The following CNTN4 variants were observed in gnomAD, a reference collection of about 807,000 sequenced individuals.
CNTN4 encodes contactin 4.
A neutral mutation model predicts 122.5 loss-of-function variants in CNTN4; 77 were observed. The observed-to-expected ratio is 0.63, with a 90% CI of 0.52 to 0.76. The LOEUF is 0.76. Ranked by LOEUF, CNTN4 falls within the 30% of genes least tolerant of loss-of-function variation. CNTN4 has a pLI of 0.00. For missense variants in CNTN4, 1,256 were observed against 1,259.1 expected (o/e 1.00, Z 0.04); for synonymous variants, 512 against 447.0 (o/e 1.15, Z -1.83).
intron 2 of CNTN4, among the ~76,000 whole-genome samples, chr3:2,139,231 A>T (rs966979595): frequency 6.6e-6 from 1 of 152,224 alleles, no homozygotes; most frequent in Non-Finnish European, 1.5e-5. Flanking sequence ...CTCAACATTA[A>T]GTAGTTTTAT....
chr3:2,632,758 C>T (rs996060133), intron 4 of CNTN4, among the ~76,000 whole-genome samples: 3 of 152,104 alleles, frequency 2.0e-5, no homozygotes, highest in African/African-American at 7.2e-5. Flanking sequence ...ATTCTCATGA[C>T]ACTGCACAAG....
chr3:2,967,467 C>A (rs1330476987), intron 13 of CNTN4, among the ~76,000 whole-genome samples: 1 of 152,062 alleles, frequency 6.6e-6, no homozygotes, highest in African/African-American at 2.4e-5. Context: ...TAGCTGGGGT[C>A]TAATCCCCAG....
intron 2 of CNTN4, among the ~76,000 whole-genome samples, chr3:2,129,264 C>CAA (rs11390812): frequency 0.019 from 1,226 of 63,678 alleles, 51 homozygotes; most frequent in African/African-American, 0.06. Context: ...TCCAAACCTG[C>CAA]AAAAAAAAAA....
chr3:2,427,178 A>G (rs1423352364), intron 3 of CNTN4, among the ~76,000 whole-genome samples: 1 of 152,088 alleles, frequency 6.6e-6, no homozygotes, highest in Non-Finnish European at 1.5e-5. Flanking sequence ...TGTCAATTTT[A>G]GATCTTTCCT....
intron 2 of CNTN4, among the ~76,000 whole-genome samples, chr3:2,229,543 T>A (rs1337365507): frequency 6.6e-6 from 1 of 152,206 alleles, no homozygotes; most frequent in Non-Finnish European, 1.5e-5. Flanking sequence ...GTTACGTAAG[T>A]ATTTGAAAAT....
rs539189976 is a variant in CNTN4, at chr3:2,588,399, C to A, written c.55+16841C>A. On this transcript the variant is annotated intron_variant, in intron 4 of 24. Transcript: ENST00000418658. ...GTTTGTTTTTTGAGACAGAGCCTCG[C>A]ACTATTGTCTGGGCTGGAGTGCAGT... Among the ~76,000 whole-genome samples the A allele has an allele frequency of 1.1e-4, 16 of 152,210 alleles. No homozygotes were observed. The South Asian group carries it at 3.3e-3, about 32-fold the overall frequency.
chr3:2,910,854 G>A (rs190103056), intron 12 of CNTN4, among the ~76,000 whole-genome samples: 1 of 152,192 alleles, frequency 6.6e-6, no homozygotes, highest in Admixed American at 6.5e-5. Flanking sequence ...GGAAGCCCCA[G>A]ACCCTTTTTC....
At chr3:2,689,264 A>G (rs2085598541) in intron 4 of CNTN4, among the ~76,000 whole-genome samples, 1 of 152,180 alleles carries the variant, frequency 6.6e-6, no homozygotes, top group Non-Finnish European at 1.5e-5. Flanking sequence ...TGCCACTGAC[A>G]TTCCCATTGT....
At chr3:2,148,562 T>C (rs1224968087) in intron 2 of CNTN4, among the ~76,000 whole-genome samples, 2 of 151,254 alleles carry the variant, frequency 1.3e-5, no homozygotes, top group Non-Finnish European at 2.9e-5. Context: ...AAGAAAAAAA[T>C]ATTAGTAGGT....
At chr3:2,502,294 C>T (rs1047229851) in intron 3 of CNTN4, among the ~76,000 whole-genome samples, 9 of 152,138 alleles carry the variant, frequency 5.9e-5, no homozygotes, top group African/African-American at 1.4e-4. Context: ...TTACTATCCA[C>T]GTGTCTCATG....
chr3:2,716,343 ATAT>A (rs1341498345), intron 4 of CNTN4, among the ~76,000 whole-genome samples: 1 of 151,162 alleles, frequency 6.6e-6, no homozygotes, highest in African/African-American at 2.4e-5. Flanking sequence ...TAATATTATT[ATAT>A]TATTATTATG....
intron 14 of CNTN4, among the ~76,000 whole-genome samples, chr3:3,009,632 A>G (rs1697016463): frequency 6.6e-6 from 1 of 151,918 alleles, no homozygotes. Context: ...ACGGGGTTTC[A>G]CCGTGTTAGC....
intron 6 of CNTN4, among the ~76,000 whole-genome samples, chr3:2,787,655 G>C (rs188767537): frequency 6.6e-6 from 1 of 152,172 alleles, no homozygotes; most frequent in East Asian, 1.9e-4. Flanking sequence ...CCACAGTCAC[G>C]TTATTTAACT....
chr3:2,733,532 G>GTTTTTTTTTT (rs1201306391), intron 4 of CNTN4, among the ~76,000 whole-genome samples: 58 of 120,522 alleles, frequency 4.8e-4, no homozygotes, highest in African/African-American at 1.8e-3. Context: ...GCATGTTTGT[G>GTTTTTTTTTT]TTTTTTTTTT....
intron 4 of CNTN4, among the ~76,000 whole-genome samples, chr3:2,600,767 A>T (rs920852499): frequency 4.6e-5 from 7 of 152,166 alleles, no homozygotes; most frequent in Non-Finnish European, 8.8e-5. Context: ...ATCCTTGAGG[A>T]ATCTCCACAC....
At chr3:2,485,913 A>C (rs182118528) in intron 3 of CNTN4, among the ~76,000 whole-genome samples, 17 of 152,284 alleles carry the variant, frequency 1.1e-4, no homozygotes, top group African/African-American at 4.1e-4. Context: ...AGATAAGGGA[A>C]TAAAAGCAGG....
At chr3:2,710,998 G>A (rs747314948) in intron 4 of CNTN4, among the ~76,000 whole-genome samples, 2 of 152,182 alleles carry the variant, frequency 1.3e-5, no homozygotes, top group African/African-American at 2.4e-5. Flanking sequence ...AATGGCAGGG[G>A]TATGAAACCA....
intron 2 of CNTN4, among the ~76,000 whole-genome samples, chr3:2,289,155 C>T (rs1033057063): frequency 6.6e-6 from 1 of 152,102 alleles, no homozygotes; most frequent in Non-Finnish European, 1.5e-5. Context: ...CATACATTCG[C>T]TTTAGAAATA....
intron 13 of CNTN4, among the ~76,000 whole-genome samples, chr3:2,978,128 A>G (rs867613162): frequency 3.3e-5 from 5 of 152,152 alleles, no homozygotes; most frequent in South Asian, 2.1e-4. Flanking sequence ...CAGAGTATAG[A>G]TCTTTATTGT....
Sources: gnomAD v4.1 joint callset for allele counts (sites outside exome capture counted in the v4.1 genomes callset) on GRCh38, gnomAD v4.1.1 for gene constraint, MANE v1.5 for transcripts, NCBI Gene and HGNC (gene_info 2026-07-23, HGNC 2026-07-21) for gene names.